The following TNS1 variants were observed in gnomAD, a reference collection of about 807,000 sequenced individuals.
The protein encoded by TNS1 is tensin-1.
In TNS1, 62 loss-of-function variants were observed where a neutral mutation model predicts 168.6. The observed-to-expected ratio is 0.37, with a 90% CI of 0.30 to 0.45. The LOEUF (loss-of-function observed/expected upper bound fraction) is 0.45, where lower values mean the gene tolerates loss of function less well. Ranked by LOEUF, TNS1 falls within the 20% of genes least tolerant of loss-of-function variation. The probability of loss-of-function intolerance (pLI) is 1.00; values close to 1 mark genes in which losing one functional copy is unlikely to be tolerated. For synonymous variants in TNS1, 934 were observed against 933.2 expected, an observed-to-expected ratio of 1.00 and a Z score of -0.02; for missense variants, 2,240 against 2,339.4, an observed-to-expected ratio of 0.96 and a Z score of 0.88.
chr2:217,998,221 G>GTCTCTCTCTC (rs60663810), intron 1 of TNS1, among the ~76,000 whole-genome samples: 22,678 of 149,394 alleles, frequency 0.15, 1,954 homozygotes, highest in East Asian at 0.36. Context: ...CTCCATCAGT[G>GTCTCTCTCTC]TCTCTCTCTC....
At chr2:217,978,646 A>G (rs1957954877) in intron 3 of TNS1, 119 bp downstream of exon 3, 1 of 586,754 alleles carries the variant, frequency 1.7e-6, no homozygotes, top group Admixed American at 2.8e-5. Context: ...ATAAACAAAG[A>G]GAGGAGGAGG....
chr2:217,884,360 T>A, intron 16 of TNS1, among the ~76,000 whole-genome samples: 1 of 152,082 alleles, frequency 6.6e-6, no homozygotes, highest in East Asian at 1.9e-4. Context: ...TAAGGATGGA[T>A]TGGTGGATGG....
chr2:217,993,152 C>T (rs1352204593), intron 1 of TNS1, among the ~76,000 whole-genome samples: 1 of 152,124 alleles, frequency 6.6e-6, no homozygotes, highest in Non-Finnish European at 1.5e-5. Context: ...TAGGCTGTAC[C>T]GTCTGGGTAT....
chr2:217,978,943 G>A, intron 2 of TNS1, 141 bp from the exon 3 acceptor site: 2 of 657,646 alleles, frequency 3.0e-6, no homozygotes, highest in Non-Finnish European at 5.6e-6. Context: ...AGGAGAGAGG[G>A]AGAGAGGGAG....
chr2:217,844,178 A>G (rs1174261716), intron 19 of TNS1, among the ~76,000 whole-genome samples: 1 of 152,108 alleles, frequency 6.6e-6, no homozygotes, highest in Non-Finnish European at 1.5e-5. Flanking sequence ...CACAGTATCC[A>G]CTGCATCATC....
chr2:217,920,345 C>A, intron 3 of TNS1, 109 bp from the exon 4 acceptor site: 2 of 685,292 alleles, frequency 2.9e-6, no homozygotes, highest in Non-Finnish European at 5.3e-6. Context: ...CTCACACGGG[C>A]TGACACCTTC....
intron 22 of TNS1, among the ~76,000 whole-genome samples, chr2:217,827,008 C>A (rs756031868): frequency 4.6e-5 from 7 of 152,188 alleles, no homozygotes; most frequent in African/African-American, 1.7e-4. Flanking sequence ...GGTCCCAGAT[C>A]TAGAAGCTCA....
intron 3 of TNS1, among the ~76,000 whole-genome samples, chr2:217,943,115 C>A (rs939073674): frequency 6.6e-6 from 1 of 152,084 alleles, no homozygotes; most frequent in Non-Finnish European, 1.5e-5. Context: ...GCAGCTGCCC[C>A]TGTCTGTTCA....
intron 3 of TNS1, among the ~76,000 whole-genome samples, chr2:217,966,781 T>G (rs1231518719): frequency 1.3e-5 from 2 of 151,786 alleles, no homozygotes; most frequent in Admixed American, 1.3e-4. Context: ...CTGTGGGGAG[T>G]AGAGGCTGAG....
intron 22 of TNS1, among the ~76,000 whole-genome samples, chr2:217,824,430 T>A (rs573763738): frequency 2.0e-4 from 30 of 152,192 alleles, no homozygotes; most frequent in African/African-American, 7.0e-4. Context: ...GCCAACTCCA[T>A]AGGGCTATTC....
At chr2:218,027,484 C>A (rs1958860615) in intron 1 of TNS1, among the ~76,000 whole-genome samples, 2 of 152,064 alleles carry the variant, frequency 1.3e-5, no homozygotes, top group Non-Finnish European at 2.9e-5. Context: ...GGAAGGTGAA[C>A]TCCTGCTGAA....
At chr2:217,923,351 A>C (rs1054234770) in intron 3 of TNS1, among the ~76,000 whole-genome samples, 1 of 152,172 alleles carries the variant, frequency 6.6e-6, no homozygotes, top group Non-Finnish European at 1.5e-5. Flanking sequence ...CATAGCAATA[A>C]AAATCACAGC....
At chr2:218,020,503 G>A (rs892649403) in intron 1 of TNS1, among the ~76,000 whole-genome samples, 1 of 148,538 alleles carries the variant, frequency 6.7e-6, no homozygotes, top group African/African-American at 2.5e-5. Context: ...TGAGCTGCCT[G>A]GGGAACCACC....
At chr2:217,804,751 G>A in intron 32 of TNS1, 148 bp from the exon 33 acceptor site, 1 of 1,020,390 alleles carries the variant, frequency 9.8e-7, no homozygotes. Flanking sequence ...TCAGAGAGGT[G>A]CAGAAGAGAA....
At chr2:217,829,768 C>A (rs1339641754) in intron 22 of TNS1, 2 of 1,532,280 alleles carry the variant, frequency 1.3e-6, no homozygotes, top group East Asian at 2.3e-5. Context: ...CTGCCTCCAG[C>A]CAGCCTCTTC....
chr2:217,911,245 G>C (rs922822873), intron 4 of TNS1, among the ~76,000 whole-genome samples: 1 of 152,192 alleles, frequency 6.6e-6, no homozygotes, highest in African/African-American at 2.4e-5. Context: ...TCAGAATCCA[G>C]CTTAGAAGCA....
At chr2:217,958,455 G>A (rs973065114) in intron 3 of TNS1, among the ~76,000 whole-genome samples, 14 of 152,200 alleles carry the variant, frequency 9.2e-5, no homozygotes, top group Non-Finnish European at 1.2e-4. Flanking sequence ...GGAAGAGCAC[G>A]CTGGCGGTGG....
chr2:217,996,884 T>A (rs1426029689), intron 1 of TNS1, among the ~76,000 whole-genome samples: 1 of 152,024 alleles, frequency 6.6e-6, no homozygotes, highest in Non-Finnish European at 1.5e-5. Context: ...CTGCCCTCCC[T>A]GGAGCCAGCA....
intron 11 of TNS1, among the ~76,000 whole-genome samples, chr2:217,892,589 C>T (rs1360302499): frequency 6.6e-6 from 1 of 152,192 alleles, no homozygotes; most frequent in Non-Finnish European, 1.5e-5. Flanking sequence ...TTTTGCCAGA[C>T]CCAGATCTGA....
Sources: allele counts gnomAD v4.1 joint callset (sites outside exome capture counted in the v4.1 genomes callset), GRCh38; gene constraint gnomAD v4.1.1; transcripts MANE v1.5; gene names NCBI Gene and HGNC (gene_info 2026-07-23, HGNC 2026-07-21).